The following MAP4K4 variants were observed in gnomAD, a reference collection of about 807,000 sequenced individuals.
MAP4K4 encodes mitogen-activated protein kinase kinase kinase kinase 4.
MAP4K4 carries 38 observed loss-of-function variants against 189.6 expected under a neutral mutation model. The ratio of observed to expected loss-of-function variants is 0.20; its 90% CI spans 0.15 to 0.26. The LOEUF is 0.26. MAP4K4 is among the 10% of genes least tolerant of loss of function. MAP4K4 has a pLI of 1.00. For missense variants in MAP4K4, 1,054 were observed against 1,726.9 expected (o/e 0.61, Z 6.91); for synonymous variants, 610 against 624.3 (o/e 0.98, Z 0.34).
chr2:101,856,529 TAGG>T (rs2097470296), intron 13 of MAP4K4, among the ~76,000 whole-genome samples: 3 of 152,130 alleles, frequency 2.0e-5, no homozygotes, highest in South Asian at 2.1e-4. Flanking sequence ...AGAAATTTCT[TAGG>T]AGAAATATTT....
chr2:101,816,194 G>A (rs72829229), intron 3 of MAP4K4, among the ~76,000 whole-genome samples: 4,098 of 152,274 alleles, frequency 0.027, 79 homozygotes, highest in Non-Finnish European at 0.04. Flanking sequence ...TCTTCTAAGC[G>A]CTTTCGTATA....
At chr2:101,862,430 A>C (rs2097693633) in intron 16 of MAP4K4, among the ~76,000 whole-genome samples, 1 of 151,924 alleles carries the variant, frequency 6.6e-6, no homozygotes, top group South Asian at 2.1e-4. Context: ...GACACAATTA[A>C]AAGAGGATGA....
intron 2 of MAP4K4, among the ~76,000 whole-genome samples, chr2:101,705,832 T>C (rs1483211949): frequency 6.6e-6 from 1 of 152,106 alleles, no homozygotes; most frequent in African/African-American, 2.4e-5. Context: ...AGGACTGTTG[T>C]TTGTGCCTAG....
chr2:101,766,324 A>G (rs1346615871), intron 2 of MAP4K4, among the ~76,000 whole-genome samples: 2 of 152,158 alleles, frequency 1.3e-5, no homozygotes, highest in Admixed American at 1.3e-4. Context: ...CTTAGTGGGA[A>G]GGATGTCACT....
intron 2 of MAP4K4, among the ~76,000 whole-genome samples, chr2:101,786,733 G>A (rs541167698): frequency 2.0e-5 from 3 of 152,272 alleles, no homozygotes; most frequent in South Asian, 2.1e-4. Context: ...CCATTGTATC[G>A]TGGGCAGATA....
intron 2 of MAP4K4, among the ~76,000 whole-genome samples, chr2:101,744,801 C>G (rs950583307): frequency 1.2e-4 from 18 of 152,130 alleles, no homozygotes; most frequent in Non-Finnish European, 2.5e-4. Flanking sequence ...CAAAATGTAG[C>G]TAGCCTATAG....
rs1217875420 is a variant in MAP4K4 at position 101,891,446 on chromosome 2, T to TA, written c.*198dup. ...TTATCCCCATTCTTTTTTTTTTTCT[T>TA]ACTCCAAAATAAATCAAGGCTGCAA... On this transcript the variant is annotated 3_prime_UTR_variant, in exon 33 of 33. Transcript: ENST00000324219. 2.1e-4 allele frequency: 110 copies of TA among 524,808 alleles called. 1 individual carries two copies. The South Asian group carries it at 2.6e-3, about 12-fold the overall frequency. 32.5% of individuals were successfully genotyped at this position (524,808 alleles called of 1,614,324 possible).
intron 2 of MAP4K4, among the ~76,000 whole-genome samples, chr2:101,781,231 G>A (rs2087207997): frequency 6.6e-6 from 1 of 152,052 alleles, no homozygotes; most frequent in African/African-American, 2.4e-5. Context: ...TTGTAGTAGC[G>A]ACTGCAAGGC....
chr2:101,870,486 C>G lies in MAP4K4; in HGVS notation c.2760+71C>G. On this transcript the variant is annotated intron_variant, in intron 23 of 32. Transcript: ENST00000324219. ...TCATTAACCCACTTGCTCATTCACT[C>G]ACTCATGCTGTTTCTCCATCATCAT... 4 of 1,579,202 alleles carry G rather than the reference C, an allele frequency of 2.5e-6. No individual in the cohort carries two copies. In the East Asian group the frequency reaches 9.0e-5, roughly 36 times the overall value.
chr2:101,713,650 T>C (rs1047609536), intron 2 of MAP4K4, among the ~76,000 whole-genome samples: 2 of 149,460 alleles, frequency 1.3e-5, no homozygotes, highest in Non-Finnish European at 3.0e-5. Context: ...ATCCCAGCAC[T>C]TTGGGAGGCT....
chr2:101,848,585 A>T (rs2097182474), intron 12 of MAP4K4, among the ~76,000 whole-genome samples: 1 of 152,212 alleles, frequency 6.6e-6, no homozygotes, highest in African/African-American at 2.4e-5. Flanking sequence ...CACAGTGCAG[A>T]TGCCACAAAA....
In MAP4K4 at chr2:101,864,915, A is replaced by G. The variant is rs761968714; in HGVS notation, c.2098-15A>G. The G allele has an allele frequency of 7.4e-6, 11 of 1,486,236 alleles. No individual in the cohort carries two copies. The African/African-American group carries it at 8.5e-5, about 11-fold the overall frequency. The allele number at this position is 1,486,236 out of a possible 1,614,324, so 92.1% of individuals were successfully genotyped here. A position where few individuals can be genotyped will look rare whatever the true frequency, so the allele number is the denominator to read the frequency against. On this transcript the variant is annotated splice_polypyrimidine_tract_variant and intron_variant, in intron 17 of 32. Transcript: ENST00000324219. The stretch of plus-strand genomic sequence containing the variant: ...ATGTTTTCAATAATTTAATTGCTAT[A>G]TTTTCTACTTAAAGGTTCCTGTGAG...
At chr2:101,870,556 C>T (rs12621752) in intron 23 of MAP4K4, 141 bp downstream of exon 23, 37 of 1,206,204 alleles carry the variant, frequency 3.1e-5, no homozygotes, top group Non-Finnish European at 3.9e-5. Context: ...TGTCGAGTGT[C>T]GGGGGCTAGG....
chr2:101,762,690 A>G (rs1276932333), intron 2 of MAP4K4, among the ~76,000 whole-genome samples: 1 of 151,664 alleles, frequency 6.6e-6, no homozygotes, highest in Non-Finnish European at 1.5e-5. Flanking sequence ...CTGTGAAGAA[A>G]CCCCCCAAGC....
intron 2 of MAP4K4, among the ~76,000 whole-genome samples, chr2:101,749,357 A>G (rs1488742040): frequency 4.0e-5 from 6 of 151,758 alleles, no homozygotes; most frequent in Non-Finnish European, 8.9e-5. Context: ...ATAACGCTGC[A>G]TATCTACAAC....
At chr2:101,758,833 A>G (rs954570027) in intron 2 of MAP4K4, among the ~76,000 whole-genome samples, 1 of 152,166 alleles carries the variant, frequency 6.6e-6, no homozygotes, top group African/African-American at 2.4e-5. Context: ...GATGTTCGCC[A>G]CTATAAAGAA....
intron 2 of MAP4K4, among the ~76,000 whole-genome samples, chr2:101,783,832 G>A (rs188245571): frequency 6.6e-6 from 1 of 152,178 alleles, no homozygotes; most frequent in African/African-American, 2.4e-5. Flanking sequence ...TTTTGATTTA[G>A]TGAGGGAGAC....
At chr2:101,890,361 A>G (rs1201773924) in intron 32 of MAP4K4, among the ~76,000 whole-genome samples, 1 of 152,210 alleles carries the variant, frequency 6.6e-6, no homozygotes, top group Non-Finnish European at 1.5e-5. Flanking sequence ...AGTTAGTAGT[A>G]ACAAGCCTGA....
chr2:101,788,129 C>T (rs1230755339), intron 2 of MAP4K4, among the ~76,000 whole-genome samples: 1 of 150,908 alleles, frequency 6.6e-6, no homozygotes, highest in Non-Finnish European at 1.5e-5. Flanking sequence ...TAGAGAAGTA[C>T]ATTATTTTAG....
Sources: allele counts gnomAD v4.1 joint callset (sites outside exome capture counted in the v4.1 genomes callset), GRCh38; gene constraint gnomAD v4.1.1; transcripts MANE v1.5; gene names NCBI Gene and HGNC (gene_info 2026-07-23, HGNC 2026-07-21).